Variants in LAMC1 observed in about 807,000 individuals in gnomAD.
LAMC1 encodes laminin subunit gamma-1.
Under a neutral mutation model 173.6 loss-of-function variants are expected in LAMC1, and 38 were observed. The observed-to-expected ratio is 0.22, with a 90% CI of 0.17 to 0.29. The LOEUF is 0.29. Ranked by LOEUF, LAMC1 falls within the 10% of genes least tolerant of loss-of-function variation. The pLI is 1.00. For missense variants in LAMC1, 1,824 were observed against 2,051.8 expected, an observed-to-expected ratio of 0.89 and a Z score of 2.14; for synonymous variants, 746 against 749.1, an observed-to-expected ratio of 1.00 and a Z score of 0.07.
chr1:183,092,529 G>T (rs1349672144), intron 1 of LAMC1, among the ~76,000 whole-genome samples: 2 of 152,102 alleles, frequency 1.3e-5, no homozygotes, highest in Non-Finnish European at 2.9e-5. Flanking sequence ...AGCTCTGTGG[G>T]TGATTCTAAT....
intron 1 of LAMC1, among the ~76,000 whole-genome samples, chr1:183,072,614 C>A (rs1405542169): frequency 1.3e-5 from 2 of 152,156 alleles, no homozygotes; most frequent in East Asian, 3.9e-4. Context: ...AACAGGGGTC[C>A]CCAACCCCTG....
chr1:183,073,776 A>G (rs1655065110), intron 1 of LAMC1, among the ~76,000 whole-genome samples: 1 of 152,212 alleles, frequency 6.6e-6, no homozygotes. Context: ...ATAGGGCTAT[A>G]AATGAAAGAA....
At chr1:183,127,965 G>A (rs1571459635) in intron 17 of LAMC1, among the ~76,000 whole-genome samples, 2 of 152,186 alleles carry the variant, frequency 1.3e-5, no homozygotes, top group East Asian at 3.8e-4. Flanking sequence ...ACTCTTGACT[G>A]ATGTGTGAAG....
Position 183,136,454 on chromosome 1 carries a change from A to G in LAMC1, c.4183A>G (p.Asn1395Asp), listed in dbSNP as rs965002510. The stretch of plus-strand genomic sequence containing the variant: ...GGCACTAAGGAAGATTCCTGCCATC[A>G]ACCAGACCATCACTGAAGCCAATGA... ...EEALRKIPAI[N>D]QTITEANEKT... Residue 1395 changes from asparagine to aspartate, a missense_variant, in exon 25 of 28, where the codon AAC becomes GAC. Asn to Asp is a conservative substitution (Grantham distance 23, BLOSUM62 1). Transcript: ENST00000258341. 6 of 1,614,220 alleles carry G rather than the reference A, an allele frequency of 3.7e-6. No individual in the cohort carries two copies. The East Asian group carries it at 1.3e-4, about 36-fold the overall frequency.
chr1:183,090,873 G>A (rs536006178), intron 1 of LAMC1, among the ~76,000 whole-genome samples: 2 of 152,266 alleles, frequency 1.3e-5, no homozygotes, highest in East Asian at 3.9e-4. Context: ...TTTTCCAAGA[G>A]TGTTGTTTTC....
chr1:183,076,049 C>T (rs753567258), intron 1 of LAMC1, among the ~76,000 whole-genome samples: 21 of 152,190 alleles, frequency 1.4e-4, no homozygotes, highest in Non-Finnish European at 2.8e-4. Context: ...GTCAATTTCT[C>T]TAAATGTTTC....
intron 1 of LAMC1, among the ~76,000 whole-genome samples, chr1:183,079,909 T>G (rs980439753): frequency 7.2e-5 from 11 of 152,326 alleles, no homozygotes; most frequent in African/African-American, 2.6e-4. Context: ...ACTCATGATC[T>G]CATTGAGTAA....
At chr1:183,127,969 T>C (rs1019481368) in intron 17 of LAMC1, among the ~76,000 whole-genome samples, 2 of 152,266 alleles carry the variant, frequency 1.3e-5, no homozygotes, top group East Asian at 3.9e-4. Context: ...TTGACTGATG[T>C]GTGAAGAATG....
chr1:183,027,780 C>T (rs560793696), intron 1 of LAMC1, among the ~76,000 whole-genome samples: 2 of 152,116 alleles, frequency 1.3e-5, no homozygotes, highest in African/African-American at 4.8e-5. Context: ...TGGTCCTCTG[C>T]TGAGTGTGTA....
intron 1 of LAMC1, among the ~76,000 whole-genome samples, chr1:183,061,753 A>T (rs754781775): frequency 7.2e-5 from 11 of 152,230 alleles, no homozygotes; most frequent in Non-Finnish European, 1.3e-4. Context: ...TTTAATGTTG[A>T]GGTGAATACA....
intron 1 of LAMC1, among the ~76,000 whole-genome samples, chr1:183,032,056 C>T (rs1348434660): frequency 1.3e-5 from 2 of 152,216 alleles, no homozygotes; most frequent in African/African-American, 4.8e-5. Context: ...ATGGGGTTAC[C>T]AGAAAACCCA....
chr1:183,047,627 A>G (rs772632120), intron 1 of LAMC1, among the ~76,000 whole-genome samples: 1 of 152,210 alleles, frequency 6.6e-6, no homozygotes. Flanking sequence ...AGATAGACCC[A>G]TGTGTAATTT....
chr1:183,086,245 G>A (rs190293332), intron 1 of LAMC1, among the ~76,000 whole-genome samples: 5 of 152,274 alleles, frequency 3.3e-5, no homozygotes, highest in African/African-American at 1.2e-4. Flanking sequence ...TTATATGGCC[G>A]CGTTGCGATT....
At chr1:183,082,703 T>C (rs1655311017) in intron 1 of LAMC1, among the ~76,000 whole-genome samples, 1 of 152,204 alleles carries the variant, frequency 6.6e-6, no homozygotes, top group Admixed American at 6.5e-5. Context: ...TTAGTATTGG[T>C]GATGAAAGTA....
At chr1:183,035,108 C>T (rs1653945793) in intron 1 of LAMC1, among the ~76,000 whole-genome samples, 1 of 152,058 alleles carries the variant, frequency 6.6e-6, no homozygotes, top group Admixed American at 6.6e-5. Flanking sequence ...TCTGATAGAC[C>T]ACTGCTTTAG....
At chr1:183,067,011 A>G (rs948956573) in intron 1 of LAMC1, among the ~76,000 whole-genome samples, 5 of 152,198 alleles carry the variant, frequency 3.3e-5, no homozygotes, top group East Asian at 1.9e-4. Flanking sequence ...GCTTGGGCCA[A>G]TAAGTTTGGT....
intron 1 of LAMC1, among the ~76,000 whole-genome samples, chr1:183,055,380 C>CT (rs1654559858): frequency 6.6e-6 from 1 of 151,956 alleles, no homozygotes; most frequent in Admixed American, 6.6e-5. Flanking sequence ...CAGCTATGAA[C>CT]TTGATACCTG....
intron 1 of LAMC1, among the ~76,000 whole-genome samples, chr1:183,076,453 G>A (rs756857840): frequency 6.6e-6 from 1 of 152,210 alleles, no homozygotes; most frequent in Non-Finnish European, 1.5e-5. Context: ...CACCTCAGTA[G>A]TTGTACTTTG....
rs141973536 is a variant in LAMC1, at chr1:183,069,288, G to T, written c.419-34040G>T. 3.4e-3 allele frequency among the ~76,000 whole-genome samples: 521 copies of T among 152,262 alleles called. 3 individuals carry two copies. The highest frequency in any genetic ancestry group is 0.012 in the African/African-American group (497 of 41,558). On this transcript the variant is annotated intron_variant, in intron 1 of 27. Transcript: ENST00000258341. ...ATAAATAGGGAGTTTCATTATCACT[G>T]TTGTGCTAATGCATGTTTAAAGTTA...
Sources: gnomAD v4.1 joint callset for allele counts (sites outside exome capture counted in the v4.1 genomes callset) on GRCh38, gnomAD v4.1.1 for gene constraint, MANE v1.5 for transcripts, NCBI Gene and HGNC (gene_info 2026-07-23, HGNC 2026-07-21) for gene names.